PDE11A: variants seen among roughly 807,000 people sequenced by gnomAD.
PDE11A encodes the protein phosphodiesterase 11A, also known as dual 3',5'-cyclic-AMP and -GMP phosphodiesterase 11A.
In PDE11A, 100 loss-of-function variants were observed where a neutral mutation model predicts 100.5. The ratio of observed to expected loss-of-function variants is 1.00; its 90% CI spans 0.85 to 1.18. The LOEUF is 1.18. PDE11A is among the 50% of genes most tolerant of loss of function. PDE11A has a pLI of 0.00. For synonymous variants in PDE11A, 381 were observed against 420.8 expected, an observed-to-expected ratio of 0.91 and a Z score of 1.16; for missense variants, 1,141 against 1,152.6, an observed-to-expected ratio of 0.99 and a Z score of 0.15.
chr2:177,785,563 T>G (rs1305323563), intron 9 of PDE11A, among the ~76,000 whole-genome samples: 1 of 138,322 alleles, frequency 7.2e-6, no homozygotes, highest in African/African-American at 2.7e-5. Context: ...GCACCATGCA[T>G]GAGCCGAAGT....
At chr2:177,886,631 A>G (rs968052777) in intron 4 of PDE11A, among the ~76,000 whole-genome samples, 1 of 152,212 alleles carries the variant, frequency 6.6e-6, no homozygotes, top group Non-Finnish European at 1.5e-5. Context: ...TTCAGGAATT[A>G]TTCTAATAAA....
chr2:177,775,083 G>C (rs2082360649), intron 9 of PDE11A, among the ~76,000 whole-genome samples: 1 of 152,170 alleles, frequency 6.6e-6, no homozygotes, highest in South Asian at 2.1e-4. Flanking sequence ...AATGCAGGTA[G>C]GTTTTCTGTG....
At chr2:177,798,820 C>T (rs2082743045) in intron 9 of PDE11A, among the ~76,000 whole-genome samples, 1 of 152,026 alleles carries the variant, frequency 6.6e-6, no homozygotes, top group Admixed American at 6.6e-5. Context: ...GTAGATAATT[C>T]CTCTTCAAGG....
intron 9 of PDE11A, among the ~76,000 whole-genome samples, chr2:177,775,351 T>G (rs772166794): frequency 6.6e-5 from 10 of 152,214 alleles, no homozygotes; most frequent in African/African-American, 2.4e-4. Context: ...TCAATTAGTA[T>G]CAATTGGATA....
chr2:177,935,381 A>G (rs987592049), intron 2 of PDE11A, among the ~76,000 whole-genome samples: 5 of 152,208 alleles, frequency 3.3e-5, no homozygotes, highest in Admixed American at 6.5e-5. Flanking sequence ...CCAGAAAACA[A>G]GAGTAGTTTA....
At chr2:177,813,168 G>A (rs1041800908) in intron 9 of PDE11A, among the ~76,000 whole-genome samples, 1 of 152,190 alleles carries the variant, frequency 6.6e-6, no homozygotes, top group Non-Finnish European at 1.5e-5. Context: ...CTTTCAGCGT[G>A]CACTGTCTCT....
intron 2 of PDE11A, among the ~76,000 whole-genome samples, chr2:178,088,379 A>C (rs942379269): frequency 1.3e-5 from 2 of 152,232 alleles, no homozygotes. Context: ...CAATTCAAAA[A>C]ATTATTCTTC....
rs545067340 is a variant in PDE11A at position 177,676,011 on chromosome 2, T to C, written c.2424-493A>G. ...GGGGCTCCTTCATTTTCATCTGCTC[T>C]ACAGAGCTAAGATTTATGGGCAAGA... On this transcript the variant is annotated intron_variant, in intron 16 of 19. Coordinates refer to ENST00000286063, the MANE Select transcript of PDE11A (RefSeq NM_016953.4). 1.8e-4 allele frequency: 46 copies of C among 261,704 alleles called. No individual in the cohort carries two copies. In the Admixed American group the frequency reaches 2.0e-3, roughly 12 times the overall value. 16.2% of individuals were successfully genotyped at this position (261,704 alleles called of 1,614,324 possible).
intron 1 of PDE11A, among the ~76,000 whole-genome samples, chr2:178,029,953 G>A (rs9646738): frequency 0.015 from 2,223 of 152,242 alleles, 39 homozygotes; most frequent in East Asian, 0.089. Flanking sequence ...ACCATGTTAT[G>A]CCACAGCAAG....
chr2:177,871,525 AATTATTATTATTATTATTATTATT>A (rs142275376), intron 5 of PDE11A, among the ~76,000 whole-genome samples: 2 of 138,266 alleles, frequency 1.4e-5, no homozygotes, highest in African/African-American at 5.5e-5. Context: ...GTCAGTAGTA[AATTATTATTATTATTATTATTATT>A]ATTATTATTA....
chr2:177,650,112 C>T (rs1290271600), intron 19 of PDE11A, among the ~76,000 whole-genome samples: 2 of 152,192 alleles, frequency 1.3e-5, no homozygotes, highest in Non-Finnish European at 2.9e-5. Flanking sequence ...CCTCCTCCCA[C>T]TCCCCCATCC....
At chr2:177,991,263 G>A (rs545765483) in intron 2 of PDE11A, among the ~76,000 whole-genome samples, 10 of 149,658 alleles carry the variant, frequency 6.7e-5, no homozygotes, top group African/African-American at 7.4e-5. Flanking sequence ...CCTGGGAGGC[G>A]GAGGTTGCAG....
Position 178,103,500 on chromosome 2 carries a change from CTAAT to C in PDE11A, c.162+798_162+801del, listed in dbSNP as rs563649783. Reference sequence around the variant, plus strand: ...TACGGAATTGTACACTTTAAAATGTCTAATTATGTTATATAAATTTCACTTCAAT... The same window carrying C: ...TACGGAATTGTACACTTTAAAATGTCTATGTTATATAAATTTCACTTCAAT... On this transcript the variant is annotated intron_variant, in intron 2 of 20. Coordinates refer to the PDE11A transcript ENST00000358450. Among the ~76,000 whole-genome samples the C allele has an allele frequency of 4.4e-3, 661 of 151,246 alleles. 6 individuals carry two copies. The highest frequency in any genetic ancestry group is 0.015 in the African/African-American group (609 of 41,208).
At chr2:177,825,699 C>T (rs190063280) in intron 6 of PDE11A, among the ~76,000 whole-genome samples, 59 of 152,246 alleles carry the variant, frequency 3.9e-4, no homozygotes, top group African/African-American at 1.3e-3. Flanking sequence ...TTCCTGTTCA[C>T]CAGATAACCC....
intron 5 of PDE11A, among the ~76,000 whole-genome samples, chr2:177,873,096 G>A (rs1234537637): frequency 6.6e-6 from 1 of 152,062 alleles, no homozygotes; most frequent in Non-Finnish European, 1.5e-5. Context: ...TAGGTCTTGG[G>A]TCATTTCATT....
At chr2:177,878,807 AT>A (rs2084283639) in intron 4 of PDE11A, among the ~76,000 whole-genome samples, 7 of 152,282 alleles carry the variant, frequency 4.6e-5, no homozygotes, top group African/African-American at 1.7e-4. Flanking sequence ...GCAGCAGCAA[AT>A]TATTTGGACA....
At chr2:177,635,587 T>C (rs1402722942) in intron 19 of PDE11A, among the ~76,000 whole-genome samples, 1 of 152,208 alleles carries the variant, frequency 6.6e-6, no homozygotes, top group Non-Finnish European at 1.5e-5. Context: ...AAGGAACACA[T>C]TCACATAGTT....
At chr2:177,832,273 C>T (rs769839918) in intron 6 of PDE11A, among the ~76,000 whole-genome samples, 6 of 152,084 alleles carry the variant, frequency 3.9e-5, no homozygotes, top group Admixed American at 1.3e-4. Flanking sequence ...CATTTGAGTC[C>T]GTGGTCTGGG....
intron 6 of PDE11A, among the ~76,000 whole-genome samples, chr2:177,833,448 G>A (rs2083342338): frequency 6.6e-6 from 1 of 152,162 alleles, no homozygotes; most frequent in Non-Finnish European, 1.5e-5. Flanking sequence ...TGCCTAGGCA[G>A]ACCCTCAGCA....
Sources: allele counts gnomAD v4.1 joint callset (sites outside exome capture counted in the v4.1 genomes callset), GRCh38; gene constraint gnomAD v4.1.1; transcripts MANE v1.5; gene names NCBI Gene and HGNC (gene_info 2026-07-23, HGNC 2026-07-21).